PLXDC2: variants seen among roughly 807,000 people sequenced by gnomAD.
PLXDC2 encodes plexin domain-containing protein 2.
A neutral mutation model predicts 68.9 loss-of-function variants in PLXDC2; 40 were observed. The ratio of observed to expected loss-of-function variants is 0.58; its 90% CI spans 0.45 to 0.76. The LOEUF is 0.76. PLXDC2 is among the 30% of genes least tolerant of loss of function. PLXDC2 has a pLI of 0.00. For synonymous variants in PLXDC2, 243 were observed against 234.2 expected, an observed-to-expected ratio of 1.04 and a Z score of -0.34; for missense variants, 644 against 661.9, an observed-to-expected ratio of 0.97 and a Z score of 0.30.
rs1305787663 is a variant in PLXDC2 at position 19,874,932 on chromosome 10, G to A, written c.112+57741G>A. ...TTCGAGGTTCTTGTGCAAGGCTAAG[G>A]AATGTAACCTACTTATGACCTGGGA... On this transcript the variant is annotated intron_variant, in intron 1 of 13. Coordinates refer to ENST00000377252, the MANE Select transcript of PLXDC2 (RefSeq NM_032812.9). 2.6e-5 allele frequency among the ~76,000 whole-genome samples: 4 copies of A among 152,144 alleles called. No homozygotes were observed. In the East Asian group the frequency reaches 7.7e-4, roughly 29 times the overall value.
chr10:19,942,595 C>T (rs114532604), intron 1 of PLXDC2, among the ~76,000 whole-genome samples: 233 of 152,202 alleles, frequency 1.5e-3, no homozygotes, highest in African/African-American at 5.3e-3. Flanking sequence ...AAACCCGTCT[C>T]GACCAAAAAT....
At chr10:20,132,628 T>C (rs1259378171) in intron 4 of PLXDC2, among the ~76,000 whole-genome samples, 1 of 152,182 alleles carries the variant, frequency 6.6e-6, no homozygotes, top group Admixed American at 6.5e-5. Context: ...ACATCTCTTT[T>C]GTCTGATATA....
rs1407214408 is a variant in PLXDC2, at chr10:20,217,454, A to C, written c.1151A>C (p.Glu384Ala). 4 of 1,612,620 alleles carry C rather than the reference A, an allele frequency of 2.5e-6. No individual in the cohort carries two copies. The East Asian group carries it at 8.9e-5, about 36-fold the overall frequency. The change falls in exon 11 of 14, where the codon GAA (glutamate) becomes GCA (alanine). Residue 384 changes from glutamate (E) to alanine (A), a missense_variant. Physicochemically the swap from Glu to Ala is moderately radical, Grantham distance 107. This residue lies in a region of PLXDC2 where 330 missense variants were observed against 327.9 expected (regional missense o/e 1.01). Coordinates refer to ENST00000377252, the MANE Select transcript of PLXDC2 (RefSeq NM_032812.9). ...AAAGAGAAGATGTGTGAGAATACAG[A>C]ACCAGTGGAAACTTCTTCTCGAACC... is the stretch of plus-strand genomic sequence containing the variant. ...ESKEKMCENTEPVETSSRTTT... is the reference protein window; with the variant it reads ...ESKEKMCENTAPVETSSRTTT...
At chr10:20,042,458 G>A (rs1835699109) in intron 2 of PLXDC2, among the ~76,000 whole-genome samples, 1 of 152,054 alleles carries the variant, frequency 6.6e-6, no homozygotes, top group Non-Finnish European at 1.5e-5. Context: ...ATTAATTAAG[G>A]AATGATCTTC....
In PLXDC2 at chr10:20,000,077, T is replaced by C. The variant is rs139532756; in HGVS notation, c.113-1698T>C. On this transcript the variant is annotated intron_variant, in intron 1 of 13. Coordinates refer to ENST00000377252, the MANE Select transcript of PLXDC2 (RefSeq NM_032812.9). ...CTTGCTCCAGAAAGACTGTCAACAA[T>C]TCATTCGTCCACTCATTCAGTCAAT... Among the ~76,000 whole-genome samples, 7 of 152,258 alleles carry C rather than the reference T, an allele frequency of 4.6e-5. No individual in the cohort carries two copies. The East Asian group carries it at 1.2e-3, about 25-fold the overall frequency.
chr10:19,906,550 A>G (rs946722529), intron 1 of PLXDC2, among the ~76,000 whole-genome samples: 3 of 152,094 alleles, frequency 2.0e-5, no homozygotes, highest in African/African-American at 7.2e-5. Flanking sequence ...GGGCAGGTGG[A>G]CAGTGATTGT....
intron 1 of PLXDC2, among the ~76,000 whole-genome samples, chr10:19,930,922 C>A (rs970256180): frequency 6.6e-6 from 1 of 152,014 alleles, no homozygotes; most frequent in Non-Finnish European, 1.5e-5. Context: ...CAAGATCACA[C>A]CACTGCACTC....
chr10:20,098,373 G>GTGTGTGTGTT (rs1352626170), intron 4 of PLXDC2, among the ~76,000 whole-genome samples: 1 of 151,560 alleles, frequency 6.6e-6, no homozygotes, highest in East Asian at 1.9e-4. Context: ...GTGTGTGTGT[G>GTGTGTGTGTT]TGTGTGTGTG....
intron 2 of PLXDC2, among the ~76,000 whole-genome samples, chr10:20,010,893 T>C (rs17687981): frequency 0.16 from 24,352 of 152,180 alleles, 2,419 homozygotes; most frequent in Non-Finnish European, 0.23. Flanking sequence ...CTGCATTAAA[T>C]AGTGACAGTG....
At chr10:19,900,696 G>A (rs1838143683) in intron 1 of PLXDC2, among the ~76,000 whole-genome samples, 1 of 151,870 alleles carries the variant, frequency 6.6e-6, no homozygotes, top group Admixed American at 6.6e-5. Flanking sequence ...AGATTTTGGT[G>A]TACCCATCAC....
At chr10:20,185,020 G>A (rs375528258) in intron 9 of PLXDC2, among the ~76,000 whole-genome samples, 32 of 151,882 alleles carry the variant, frequency 2.1e-4, no homozygotes, top group African/African-American at 7.5e-4. Flanking sequence ...CAAGGGGAAG[G>A]AGAGCATTAG....
intron 13 of PLXDC2, among the ~76,000 whole-genome samples, chr10:20,249,667 A>G (rs1835645701): frequency 6.6e-6 from 1 of 152,130 alleles, no homozygotes; most frequent in African/African-American, 2.4e-5. Context: ...AAGGTCCTTA[A>G]CTGAACCACA....
At chr10:19,885,781 G>A (rs1190294205) in intron 1 of PLXDC2, among the ~76,000 whole-genome samples, 2 of 152,200 alleles carry the variant, frequency 1.3e-5, no homozygotes, top group Admixed American at 1.3e-4. Context: ...TTGAAGTCAG[G>A]TAGCATGATG....
At chr10:20,219,850 G>C (rs567158633) in intron 12 of PLXDC2, among the ~76,000 whole-genome samples, 27 of 152,048 alleles carry the variant, frequency 1.8e-4, no homozygotes, top group Non-Finnish European at 2.9e-4. Flanking sequence ...TTGTGACTTT[G>C]ATCTAGGCAT....
chr10:20,010,798 C>A (rs1835100013), intron 2 of PLXDC2, among the ~76,000 whole-genome samples: 4 of 152,116 alleles, frequency 2.6e-5, no homozygotes, highest in Non-Finnish European at 5.9e-5. Context: ...CCAAGGGATC[C>A]TAAGATTAAT....
At chr10:19,995,959 T>A (rs2131632979) in intron 1 of PLXDC2, among the ~76,000 whole-genome samples, 1 of 152,242 alleles carries the variant, frequency 6.6e-6, no homozygotes, top group East Asian at 1.9e-4. Context: ...AAATTCTGTG[T>A]GATGGGAACA....
chr10:20,216,107 T>TA (rs1218600338), intron 10 of PLXDC2, among the ~76,000 whole-genome samples: 47 of 147,340 alleles, frequency 3.2e-4, no homozygotes, highest in Admixed American at 6.8e-4. Context: ...AAAAAAAAAC[T>TA]AAAAAAAAAA....
intron 2 of PLXDC2, among the ~76,000 whole-genome samples, chr10:20,015,476 C>T (rs561085307): frequency 5.7e-4 from 87 of 152,042 alleles, no homozygotes; most frequent in Admixed American, 3.6e-3. Flanking sequence ...TTAATGGTGG[C>T]TTGGATAGCC....
At chr10:20,064,540 C>T (rs115791080) in intron 3 of PLXDC2, among the ~76,000 whole-genome samples, 1 of 152,014 alleles carries the variant, frequency 6.6e-6, no homozygotes, top group Non-Finnish European at 1.5e-5. Flanking sequence ...GTTCTGTTAG[C>T]CTTTTTGGTT....
Sources: gnomAD v4.1 joint callset for allele counts (sites outside exome capture counted in the v4.1 genomes callset) on GRCh38, gnomAD v4.1.1 for gene constraint, gnomAD v4.1.1 regional missense constraint, MANE v1.5 for transcripts, NCBI Gene and HGNC (gene_info 2026-07-23, HGNC 2026-07-21) for gene names.